The following PRELID2 variants were observed in gnomAD, a reference collection of about 807,000 sequenced individuals.
PRELID2 encodes PRELI domain containing 2, also known as PRELI domain-containing protein 2.
In PRELID2, 25 loss-of-function variants were observed where a neutral mutation model predicts 28.4. The observed-to-expected ratio is 0.88, with a 90% CI of 0.64 to 1.23. The LOEUF is 1.23. Among genes scored for constraint, PRELID2 ranks in the 50% most tolerant of loss-of-function variants. The probability of loss-of-function intolerance (pLI) is 0.00; values close to 1 mark genes in which losing one functional copy is unlikely to be tolerated. For synonymous variants in PRELID2, 76 were observed against 71.6 expected, an observed-to-expected ratio of 1.06 and a Z score of -0.31; for missense variants, 201 against 214.4, an observed-to-expected ratio of 0.94 and a Z score of 0.39.
intron 1 of PRELID2, among the ~76,000 whole-genome samples, chr5:145,538,350 A>C (rs1752719417): frequency 6.6e-6 from 1 of 151,868 alleles, no homozygotes. Flanking sequence ...TTTCCACATA[A>C]ATTTTATGAT....
intron 1 of PRELID2, among the ~76,000 whole-genome samples, chr5:145,671,585 GT>G (rs1285418856): frequency 2.0e-5 from 3 of 152,156 alleles, no homozygotes; most frequent in Non-Finnish European, 4.4e-5. Context: ...CAAGAAGAAT[GT>G]TTTCCAGCAG....
the PRELID2 span, among the ~76,000 whole-genome samples, chr5:145,393,703 A>G: frequency 1.4e-3 from 219 of 152,320 alleles, 1 homozygote; most frequent in African/African-American, 5.1e-3. Flanking sequence ...CAAAGTATAT[A>G]ACAAACTATT....
chr5:145,444,495 G>A, the PRELID2 span, among the ~76,000 whole-genome samples: 1 of 151,924 alleles, frequency 6.6e-6, no homozygotes, highest in African/African-American at 2.4e-5. Context: ...TTTTTCTATA[G>A]CTCTGAGTGC....
chr5:145,290,468 G>A, the PRELID2 span, among the ~76,000 whole-genome samples: 1 of 152,036 alleles, frequency 6.6e-6, no homozygotes, highest in Non-Finnish European at 1.5e-5. Context: ...GATGAAGCTG[G>A]AAACCATTAT....
intron 1 of PRELID2, among the ~76,000 whole-genome samples, chr5:145,643,256 G>A (rs1229651794): frequency 6.6e-6 from 1 of 152,046 alleles, no homozygotes; most frequent in Non-Finnish European, 1.5e-5. Context: ...GGATTCCTAG[G>A]TACTTTATTC....
At chr5:145,613,044 G>A (rs1341725981) in intron 1 of PRELID2, among the ~76,000 whole-genome samples, 3 of 152,072 alleles carry the variant, frequency 2.0e-5, no homozygotes, top group African/African-American at 7.2e-5. Context: ...TTCTTTTAAG[G>A]AATCTCCACA....
the PRELID2 span, among the ~76,000 whole-genome samples, chr5:145,368,992 T>G: frequency 6.6e-6 from 1 of 151,822 alleles, no homozygotes. Context: ...TAGGCCCCAG[T>G]GTGTGTTGTT....
chr5:145,632,979 G>A (rs1166294381), intron 1 of PRELID2, among the ~76,000 whole-genome samples: 3 of 152,148 alleles, frequency 2.0e-5, no homozygotes, highest in Non-Finnish European at 4.4e-5. Context: ...ATGTGGCACC[G>A]TGTGACAAGC....
intron 1 of PRELID2, among the ~76,000 whole-genome samples, chr5:145,656,187 CA>C (rs1435939176): frequency 1.3e-5 from 2 of 152,164 alleles, no homozygotes; most frequent in Non-Finnish European, 2.9e-5. Context: ...AAATGCACAT[CA>C]AAACCACAGT....
At chr5:145,585,590 C>G (rs555108393) in intron 1 of PRELID2, among the ~76,000 whole-genome samples, 1 of 152,076 alleles carries the variant, frequency 6.6e-6, no homozygotes, top group Non-Finnish European at 1.5e-5. Context: ...CCATACCTCA[C>G]AGGGTTATTT....
At chr5:145,731,451 A>G (rs1756343447) in intron 1 of PRELID2, among the ~76,000 whole-genome samples, 1 of 152,206 alleles carries the variant, frequency 6.6e-6, no homozygotes, top group Admixed American at 6.5e-5. Context: ...CTTCATTCCA[A>G]ATTGTTAGAG....
At chr5:145,469,042 T>C (rs1030473671), downstream of PRELID2, among the ~76,000 whole-genome samples, 97 of 152,072 alleles carry the variant, frequency 6.4e-4, no homozygotes, top group Non-Finnish European at 9.7e-4. Context: ...CTTGGGACAG[T>C]TTTACCTACA....
the PRELID2 span, among the ~76,000 whole-genome samples, chr5:145,250,198 T>A: frequency 2.0e-5 from 3 of 152,140 alleles, no homozygotes; most frequent in Admixed American, 6.5e-5. Context: ...TATTCTCAAA[T>A]ACACACAGAC....
At chr5:145,395,860 T>A in the PRELID2 span, among the ~76,000 whole-genome samples, 2 of 152,096 alleles carry the variant, frequency 1.3e-5, no homozygotes, top group Non-Finnish European at 2.9e-5. Context: ...TGAGCTTTAT[T>A]TCCTCCAACC....
the PRELID2 span, among the ~76,000 whole-genome samples, chr5:145,458,437 T>G: frequency 6.6e-6 from 1 of 152,222 alleles, no homozygotes. Context: ...GTACAGACAG[T>G]AAAATTCCAA....
At chr5:145,790,066 C>T (rs1199034805) in intron 5 of PRELID2, among the ~76,000 whole-genome samples, 1 of 152,040 alleles carries the variant, frequency 6.6e-6, no homozygotes, top group African/African-American at 2.4e-5. Context: ...ATTGGTATAC[C>T]CATTATGGAA....
chr5:145,485,416 C>G (rs1365540263), intron 1 of PRELID2, among the ~76,000 whole-genome samples: 1 of 152,166 alleles, frequency 6.6e-6, no homozygotes, highest in East Asian at 1.9e-4. Context: ...GTCAGTGATT[C>G]CAGTTCAAAG....
At chr5:145,402,849 AG>A in the PRELID2 span, among the ~76,000 whole-genome samples, 11 of 152,164 alleles carry the variant, frequency 7.2e-5, no homozygotes, top group African/African-American at 2.7e-4. Context: ...GGTTTATTTC[AG>A]GTAAGTCTTT....
At chr5:145,722,271 A>C (rs1230146648) in intron 1 of PRELID2, among the ~76,000 whole-genome samples, 1 of 152,160 alleles carries the variant, frequency 6.6e-6, no homozygotes, top group East Asian at 1.9e-4. Context: ...GGAATATGAT[A>C]ATTCAAAATT....
Sources: gnomAD v4.1 joint callset for allele counts (sites outside exome capture counted in the v4.1 genomes callset) on GRCh38, gnomAD v4.1.1 for gene constraint, MANE v1.5 for transcripts, NCBI Gene and HGNC (gene_info 2026-07-23, HGNC 2026-07-21) for gene names.